Variants in SMG1 observed in about 807,000 individuals in gnomAD.
The protein encoded by SMG1 is SMG1 nonsense mediated mRNA decay associated PI3K related kinase, also known as serine/threonine-protein kinase SMG1.
A neutral mutation model predicts 419.9 loss-of-function variants in SMG1; 22 were observed. The observed-to-expected ratio is 0.05, with a 90% confidence interval of 0.04 to 0.07. The LOEUF is 0.07. SMG1 is among the 10% of genes least tolerant of loss of function. The pLI is 1.00. For missense variants in SMG1, 3,185 were observed against 4,342.0 expected, an observed-to-expected ratio of 0.73 and a Z score of 7.49; for synonymous variants, 1,538 against 1,553.5, an observed-to-expected ratio of 0.99 and a Z score of 0.23.
At chr16:18,874,400 G>C (rs1449945472) in intron 13 of SMG1, among the ~76,000 whole-genome samples, 1 of 151,576 alleles carries the variant, frequency 6.6e-6, no homozygotes, top group Non-Finnish European at 1.5e-5. Context: ...TGGCCTCCCA[G>C]AGTGCTGGGT....
intron 3 of SMG1, among the ~76,000 whole-genome samples, chr16:18,895,506 A>C (rs1378884369): frequency 1.3e-5 from 2 of 151,640 alleles, no homozygotes; most frequent in African/African-American, 4.8e-5. Flanking sequence ...AACAACAAAA[A>C]AAAAAACCAG....
chr16:18,907,866 A>AG (rs1364629753), intron 1 of SMG1, among the ~76,000 whole-genome samples: 2 of 150,600 alleles, frequency 1.3e-5, no homozygotes, highest in African/African-American at 2.4e-5. Flanking sequence ...AAAAAAAAAA[A>AG]AAAGAGACCC....
chr16:18,850,177 C>A, intron 34 of SMG1, 51 bp from the exon 35 acceptor site: 2 of 1,589,056 alleles, frequency 1.3e-6, no homozygotes, highest in Non-Finnish European at 1.7e-6. Flanking sequence ...CAGAACACTA[C>A]TTTTGTTTAA....
intron 62 of SMG1, 85 bp from the exon 63 acceptor site, chr16:18,809,731 C>A: frequency 9.1e-7 from 1 of 1,102,256 alleles, no homozygotes; most frequent in Admixed American, 2.0e-5. Context: ...CAAATTATGC[C>A]AAAAGTTAAG....
rs552139744 is a variant in SMG1, at chr16:18,865,434, A to G, written c.3350+1187T>C. Among the ~76,000 whole-genome samples the G allele has an allele frequency of 9.2e-5, 14 of 152,332 alleles. No homozygotes were observed. In the East Asian group the frequency reaches 1.2e-3, roughly 13 times the overall value. On this transcript the variant is annotated intron_variant, in intron 23 of 62. Transcript: ENST00000446231. ...GAGTAGCTTAGCAATAGAATATATC[A>G]TAAGACTTATGGTTTGGCAGCCTTT... is the stretch of plus-strand genomic sequence containing the variant.
At chr16:18,902,798 C>A (rs1291678787) in intron 1 of SMG1, among the ~76,000 whole-genome samples, 2 of 151,980 alleles carry the variant, frequency 1.3e-5, no homozygotes, top group Non-Finnish European at 2.9e-5. Flanking sequence ...CCCTCTTACT[C>A]TGCACTCATA....
In SMG1 at chr16:18,926,373, G is replaced by A. The variant is rs565853772; in HGVS notation, c.-332C>T. 102 of 296,968 alleles carry A rather than the reference G, an allele frequency of 3.4e-4. No homozygotes were observed. The highest frequency in any genetic ancestry group is 1.9e-3 in the African/African-American group (88 of 45,210). 18.4% of individuals were successfully genotyped at this position (296,968 alleles called of 1,614,324 possible). ...GGAGGACGAGGACGACGAGGAGCAGGCGGTGGCGGCAGCTCCTCACGCTCA... is the reference window on the plus strand; with the variant it reads ...GGAGGACGAGGACGACGAGGAGCAGACGGTGGCGGCAGCTCCTCACGCTCA... On this transcript the variant is annotated 5_prime_UTR_variant, in exon 1 of 63. Coordinates refer to ENST00000446231, the MANE Select transcript of SMG1 (RefSeq NM_015092.5).
At chr16:18,836,906 G>C (rs528296970) in intron 46 of SMG1, among the ~76,000 whole-genome samples, 1 of 152,234 alleles carries the variant, frequency 6.6e-6, no homozygotes, top group East Asian at 1.9e-4. Context: ...TTAATACTTA[G>C]TGAGGTAGAT....
intron 10 of SMG1, 93 bp downstream of exon 10, chr16:18,882,072 G>A (rs2036424047): frequency 1.2e-6 from 1 of 830,296 alleles, no homozygotes; most frequent in Non-Finnish European, 1.8e-6. Flanking sequence ...AACAAATGAA[G>A]GATTAATAAC....
chr16:18,819,445 C>G, intron 56 of SMG1, 57 bp downstream of exon 56: 14 of 1,564,038 alleles, frequency 9.0e-6, no homozygotes, highest in Non-Finnish European at 1.2e-5. Flanking sequence ...TAACTTCCAG[C>G]TACTCATCTA....
chr16:18,880,081 C>T (rs1461749913), intron 10 of SMG1, among the ~76,000 whole-genome samples: 2 of 152,192 alleles, frequency 1.3e-5, no homozygotes, highest in East Asian at 3.9e-4. Flanking sequence ...GAATAGCCTG[C>T]CCACACATAC....
At chr16:18,816,666 A>C in intron 57 of SMG1, 137 bp from the exon 58 acceptor site, 1 of 655,634 alleles carries the variant, frequency 1.5e-6, no homozygotes, top group Non-Finnish European at 2.6e-6. Flanking sequence ...TGAATTAATT[A>C]CCTACAAGTT....
intron 42 of SMG1, among the ~76,000 whole-genome samples, chr16:18,839,110 T>C (rs1171539738): frequency 6.6e-6 from 1 of 152,128 alleles, no homozygotes; most frequent in Non-Finnish European, 1.5e-5. Context: ...CTTCCAAAAG[T>C]GCTGGGATTA....
In SMG1 at chr16:18,859,634, T is replaced by G. The variant is rs375411122; in HGVS notation, c.3875A>C (p.Gln1292Pro). ...CAAACAAACAGAACTTCTTAACAAT[T>G]GAACTTCAATGGATTTCTGAAGTTC... is the stretch of plus-strand genomic sequence containing the variant. ...PRELQKSIEVQLLRSSVCLAT... is the reference protein window; with the variant it reads ...PRELQKSIEVPLLRSSVCLAT... Residue 1292 changes from glutamine to proline, a missense_variant, in exon 27 of 63, where the codon CAA (glutamine) becomes CCA (proline). By Grantham distance (76) the Gln-to-Pro change is moderately conservative. This residue lies in a region of SMG1 where 120 missense variants were observed against 193.3 expected (regional missense o/e 0.62). Transcript: ENST00000446231. The G allele has an allele frequency of 4.3e-6, 7 of 1,613,248 alleles. No homozygotes were observed. The highest frequency in any genetic ancestry group is 2.2e-5 in the East Asian group (1 of 44,854).
rs759396348 is a variant in SMG1, at chr16:18,853,855, T to A, written c.4496A>T (p.His1499Leu). 1 of 1,610,622 alleles carries A rather than the reference T, an allele frequency of 6.2e-7. No homozygotes were observed. The highest frequency in any genetic ancestry group is 8.5e-7 in the Non-Finnish European group (1 of 1,177,818). ...KLLYTAGQST[H>L]AMEMLSSCAI... is the part of the protein sequence containing the mutation. ...ACAAGAACTCAACATTTCCATTGCA[T>A]GTGTTGACTGGCCTACAGAAAACCA... The change falls in exon 31 of 63, where the codon CAT becomes CTT. Residue 1499 changes from histidine (H) to leucine (L), a missense_variant. His to Leu is a moderately conservative substitution (Grantham distance 99). Around this residue, in one of 27 missense-constraint regions of SMG1, gnomAD observed 493 missense variants for 552.9 expected, o/e 0.89. Coordinates refer to ENST00000446231, the MANE Select transcript of SMG1 (RefSeq NM_015092.5).
intron 56 of SMG1, 42 bp downstream of exon 56, chr16:18,819,460 T>G: frequency 1.3e-6 from 2 of 1,591,816 alleles, no homozygotes; most frequent in Non-Finnish European, 1.7e-6. Context: ...CATCTAATCC[T>G]GTAAAAGTGA....
At chr16:18,919,220 G>A (rs1053882889) in intron 1 of SMG1, among the ~76,000 whole-genome samples, 4 of 151,668 alleles carry the variant, frequency 2.6e-5, no homozygotes, top group South Asian at 2.1e-4. Context: ...CCAGCTACTC[G>A]GGAGGCTGAG....
In SMG1 at chr16:18,830,097, G is replaced by C. The variant is rs1490128866; in HGVS notation, c.8962C>G (p.Pro2988Ala). 2 of 1,602,874 alleles carry C rather than the reference G, an allele frequency of 1.2e-6. No individual in the cohort carries two copies. Among genetic ancestry groups the C allele is most frequent in the Non-Finnish European group, 1.7e-6 (2 of 1,174,624 alleles). The stretch of plus-strand genomic sequence containing the variant: ...ATGTCAATCTTTCGCCAAGCTATGG[G>C]AATTTCCATCTTGTTCAACTATGTA... The part of the protein sequence containing the change: ...LVEKLNKMEI[P>A]IAWRKIDIIR... Residue 2988 changes from proline to alanine, a missense_variant, in exon 53 of 63, where the codon CCC becomes GCC. Around this residue, in one of 27 missense-constraint regions of SMG1, gnomAD observed 737 missense variants for 846.6 expected, o/e 0.87. Coordinates refer to ENST00000446231, the MANE Select transcript of SMG1 (RefSeq NM_015092.5).
rs1385425098 is a variant in SMG1 at position 18,890,906 on chromosome 16, A to G, written c.565T>C (p.Leu189=). The change falls in exon 5 of 63, where the codon TTG becomes CTG. Residue 189 remains leucine (L), a synonymous_variant. Transcript: ENST00000446231. The stretch of plus-strand genomic sequence containing the variant: ...TGTACAGCAGCCAAGATATTATCCA[A>G]TTGTTTAACTAGTACCTTTAAAAGA... ...PENKLVLVKQ[L]DNILAAVHDV... The G allele has an allele frequency of 1.3e-6, 2 of 1,554,184 alleles. No individual in the cohort carries two copies. The highest frequency in any genetic ancestry group is 1.7e-5 in the Admixed American group (1 of 59,892).
Sources: gnomAD v4.1 joint callset for allele counts (sites outside exome capture counted in the v4.1 genomes callset) on GRCh38, gnomAD v4.1.1 for gene constraint, gnomAD v4.1.1 regional missense constraint, MANE v1.5 for transcripts, NCBI Gene and HGNC (gene_info 2026-07-23, HGNC 2026-07-21) for gene names.